Variants in GPR39 observed in about 807,000 individuals in gnomAD.
GPR39 encodes the protein G protein-coupled receptor 39.
GPR39 carries 23 observed loss-of-function variants against 18.4 expected under a neutral mutation model. The observed-to-expected ratio is 1.25, with a 90% CI of 0.90 to 1.77. The LOEUF is 1.77. Ranked by LOEUF, GPR39 falls within the 40% of genes most tolerant of loss-of-function variation. The pLI is 0.00. For synonymous variants in GPR39, 280 were observed against 257.9 expected, an observed-to-expected ratio of 1.09 and a Z score of -0.82; for missense variants, 647 against 602.4, an observed-to-expected ratio of 1.07 and a Z score of -0.78.
intron 1 of GPR39, among the ~76,000 whole-genome samples, chr2:132,527,683 A>G (rs1188320203): frequency 1.3e-5 from 2 of 152,184 alleles, no homozygotes; most frequent in East Asian, 3.8e-4. Flanking sequence ...GCATTTCTCT[A>G]ATGATCAGTG....
intron 1 of GPR39, among the ~76,000 whole-genome samples, chr2:132,445,846 C>A (rs1473963491): frequency 6.6e-6 from 1 of 152,140 alleles, no homozygotes; most frequent in African/African-American, 2.4e-5. Context: ...CAAGGGCAGG[C>A]CCCTGTATGA....
At chr2:132,549,885 T>A (rs1054645777) in intron 1 of GPR39, among the ~76,000 whole-genome samples, 1 of 152,242 alleles carries the variant, frequency 6.6e-6, no homozygotes, top group Non-Finnish European at 1.5e-5. Flanking sequence ...TTAACCTATG[T>A]TGATGCCAAG....
chr2:132,434,258 G>T (rs959889766), intron 1 of GPR39, among the ~76,000 whole-genome samples: 6 of 152,116 alleles, frequency 3.9e-5, no homozygotes, highest in African/African-American at 1.4e-4. Flanking sequence ...AATGCTGTTG[G>T]GTTTATAATC....
intron 1 of GPR39, among the ~76,000 whole-genome samples, chr2:132,627,359 A>G (rs61446872): frequency 0.021 from 3,274 of 152,324 alleles, 112 homozygotes; most frequent in African/African-American, 0.075. Context: ...TAACCATCCA[A>G]GTACAACAGT....
intron 1 of GPR39, among the ~76,000 whole-genome samples, chr2:132,641,267 C>T (rs1231120659): frequency 6.6e-6 from 1 of 152,236 alleles, no homozygotes; most frequent in Non-Finnish European, 1.5e-5. Context: ...TAGGAAAAGA[C>T]TGGCTAACCC....
intron 1 of GPR39, among the ~76,000 whole-genome samples, chr2:132,522,382 G>T (rs1300290888): frequency 6.6e-6 from 1 of 152,206 alleles, no homozygotes; most frequent in African/African-American, 2.4e-5. Flanking sequence ...GACATCAATA[G>T]ATGCAGGATT....
chr2:132,612,873 G>C (rs988348766), intron 1 of GPR39, among the ~76,000 whole-genome samples: 2 of 152,082 alleles, frequency 1.3e-5, no homozygotes, highest in African/African-American at 4.8e-5. Flanking sequence ...GATTTTCATT[G>C]ATCTAAAATC....
At chr2:132,617,814 T>C (rs1681364750) in intron 1 of GPR39, among the ~76,000 whole-genome samples, 1 of 152,212 alleles carries the variant, frequency 6.6e-6, no homozygotes, top group African/African-American at 2.4e-5. Flanking sequence ...CACAGCTTAG[T>C]TTGCAGAAGT....
At position 132,646,466 on chromosome 2, in the gene GPR39, C is replaced by CTAT. The variant is rs1163668697; in HGVS notation, c.*862_*864dup. On this transcript the variant is annotated 3_prime_UTR_variant, in exon 2 of 2. Coordinates refer to ENST00000329321, the MANE Select transcript of GPR39 (RefSeq NM_001508.3). ...AGATAGATGGTGAAAGAGACAGGCACTATTTCATTAGTTTTAACAAAACTG... is the reference window on the plus strand; with the variant it reads ...AGATAGATGGTGAAAGAGACAGGCACTATTATTTCATTAGTTTTAACAAAACTG... 29 of 409,330 alleles carry CTAT rather than the reference C, an allele frequency of 7.1e-5. No individual in the cohort carries two copies. The highest frequency in any genetic ancestry group is 4.7e-5 in the Non-Finnish European group (11 of 232,796). The allele number at this position is 409,330 out of a possible 1,614,324, so 25.4% of individuals were successfully genotyped here.
At chr2:132,497,434 A>C (rs1188969449) in intron 1 of GPR39, among the ~76,000 whole-genome samples, 1 of 152,110 alleles carries the variant, frequency 6.6e-6, no homozygotes, top group African/African-American at 2.4e-5. Flanking sequence ...GGGTAACTGG[A>C]AGAGAATTTT....
At chr2:132,453,035 A>G (rs946307958) in intron 1 of GPR39, among the ~76,000 whole-genome samples, 1 of 152,166 alleles carries the variant, frequency 6.6e-6, no homozygotes, top group African/African-American at 2.4e-5. Context: ...TTCTAGTTCT[A>G]CATCCTTGAG....
At position 132,630,862 on chromosome 2, in the gene GPR39, T is replaced by C. The variant is rs1681639083; in HGVS notation, c.857-14239T>C. Among the ~76,000 whole-genome samples, 5 of 152,156 alleles carry C rather than the reference T, an allele frequency of 3.3e-5. No individual in the cohort carries two copies. The South Asian group carries it at 8.3e-4, about 25-fold the overall frequency. On this transcript the variant is annotated intron_variant, in intron 1 of 1. Transcript: ENST00000329321. ...TGCATGGCATTGGAGGTTATTATGA[T>C]TGGGAGTAGTGCAGAGAGGGCAGCT...
intron 1 of GPR39, among the ~76,000 whole-genome samples, chr2:132,552,894 A>G (rs967177260): frequency 1.6e-5 from 2 of 127,006 alleles, no homozygotes; most frequent in African/African-American, 6.7e-5. Flanking sequence ...ATACACACAT[A>G]TATATATACA....
chr2:132,434,075 C>G (rs1386178502), intron 1 of GPR39, among the ~76,000 whole-genome samples: 1 of 151,772 alleles, frequency 6.6e-6, no homozygotes, highest in East Asian at 2.0e-4. Context: ...TTCCTGTACA[C>G]CATTAAGAAA....
At chr2:132,628,062 G>T (rs980548657) in intron 1 of GPR39, among the ~76,000 whole-genome samples, 1 of 152,102 alleles carries the variant, frequency 6.6e-6, no homozygotes, top group African/African-American at 2.4e-5. Flanking sequence ...CCCCATGTTG[G>T]TTTCCTCTTT....
Position 132,525,538 on chromosome 2 carries a change from G to A in GPR39, c.856+107640G>A, listed in dbSNP as rs186022246. ...CGGCCTGATTTACCTTTTATGCTAC[G>A]CAGAATTCAGTTTGATGCTTTCCCA... On this transcript the variant is annotated intron_variant, in intron 1 of 1. Transcript: ENST00000329321. Among the ~76,000 whole-genome samples the A allele has an allele frequency of 1.0e-3, 155 of 152,286 alleles. 1 individual carries two copies. Among genetic ancestry groups the A allele is most frequent in the African/African-American group, 3.6e-3 (150 of 41,558 alleles).
intron 1 of GPR39, among the ~76,000 whole-genome samples, chr2:132,571,668 C>A (rs568147275): frequency 6.6e-6 from 1 of 152,118 alleles, no homozygotes; most frequent in Non-Finnish European, 1.5e-5. Flanking sequence ...TAAGGGGTTG[C>A]GGAGGCCTAC....
chr2:132,531,732 C>A (rs1679637801), intron 1 of GPR39, among the ~76,000 whole-genome samples: 1 of 152,310 alleles, frequency 6.6e-6, no homozygotes, highest in Admixed American at 6.5e-5. Context: ...AACTGAACAA[C>A]CTGCTCCTGA....
chr2:132,445,160 C>T (rs894565955), intron 1 of GPR39, among the ~76,000 whole-genome samples: 1 of 108,030 alleles, frequency 9.3e-6, no homozygotes, highest in African/African-American at 2.8e-5. Context: ...TTAACTTACT[C>T]GTACATGTAA....
Sources: gnomAD v4.1 joint callset for allele counts (sites outside exome capture counted in the v4.1 genomes callset) on GRCh38, gnomAD v4.1.1 for gene constraint, MANE v1.5 for transcripts, NCBI Gene and HGNC (gene_info 2026-07-23, HGNC 2026-07-21) for gene names.